NTRK2: variants seen among roughly 807,000 people sequenced by gnomAD.
The protein encoded by NTRK2 is neurotrophic receptor tyrosine kinase 2.
In NTRK2, 13 loss-of-function variants were observed where a neutral mutation model predicts 94.5. The observed-to-expected ratio is 0.14, with a 90% CI of 0.09 to 0.22. The LOEUF (loss-of-function observed/expected upper bound fraction) is 0.22. Among genes scored for constraint, NTRK2 ranks in the 10% least tolerant of loss-of-function variants. The pLI, the probability that NTRK2 is intolerant of heterozygous loss-of-function variation, is 1.00. For synonymous variants in NTRK2, 372 were observed against 407.4 expected (o/e 0.91, Z 1.05); for missense variants, 639 against 1,071.2 (o/e 0.60, Z 5.63).
intron 17 of NTRK2, among the ~76,000 whole-genome samples, chr9:84,986,414 C>T (rs1371392487): frequency 6.6e-6 from 1 of 152,194 alleles, no homozygotes; most frequent in Non-Finnish European, 1.5e-5. Flanking sequence ...CTCACATGCA[C>T]AGTTCACAGT....
intron 12 of NTRK2, among the ~76,000 whole-genome samples, chr9:84,759,904 T>C (rs750950519): frequency 6.6e-6 from 1 of 152,218 alleles, no homozygotes; most frequent in Non-Finnish European, 1.5e-5. Flanking sequence ...AGAAGACAGA[T>C]AATAACTTGG....
At chr9:84,816,219 A>G (rs189722727) in intron 12 of NTRK2, among the ~76,000 whole-genome samples, 2 of 152,218 alleles carry the variant, frequency 1.3e-5, no homozygotes, top group Non-Finnish European at 2.9e-5. Context: ...ATACCATGAG[A>G]CCATAACTGT....
At chr9:84,898,350 C>T (rs889845794) in intron 14 of NTRK2, among the ~76,000 whole-genome samples, 7 of 152,148 alleles carry the variant, frequency 4.6e-5, no homozygotes, top group Admixed American at 2.0e-4. Flanking sequence ...GGCTACAATG[C>T]ACTTAGGTGA....
chr9:84,811,082 A>G (rs1387022263), intron 12 of NTRK2: 1 of 1,070,614 alleles, frequency 9.3e-7, no homozygotes, highest in African/African-American at 1.6e-5. Flanking sequence ...TCTAATCAGC[A>G]CTGAATTCAG....
Position 84,670,713 on chromosome 9 carries a change from G to T in NTRK2, c.-36G>T. The stretch of plus-strand genomic sequence containing the variant: ...TGGGGGAAAGCGGCCGGTGCAGCGC[G>T]GGGACAGGCACTCGGGCTGGCACTG... On this transcript the variant is annotated 5_prime_UTR_variant, in exon 2 of 19. Coordinates refer to ENST00000277120, the MANE Select transcript of NTRK2 (RefSeq NM_006180.6). The T allele has an allele frequency of 6.2e-7, 1 of 1,603,226 alleles. No homozygotes were observed. Among genetic ancestry groups the T allele is most frequent in the Non-Finnish European group, 8.5e-7 (1 of 1,174,834 alleles).
intron 12 of NTRK2, among the ~76,000 whole-genome samples, chr9:84,773,196 C>T (rs1309985717): frequency 6.6e-6 from 1 of 152,192 alleles, no homozygotes; most frequent in Non-Finnish European, 1.5e-5. Context: ...ACTGTAAATG[C>T]TTGCATGGGC....
At chr9:84,912,886 G>T (rs2077283966) in intron 14 of NTRK2, among the ~76,000 whole-genome samples, 1 of 151,984 alleles carries the variant, frequency 6.6e-6, no homozygotes, top group African/African-American at 2.4e-5. Context: ...AAAGTGCTGG[G>T]ATTACAGGCG....
At chr9:85,003,378 G>C (rs4390026) in intron 17 of NTRK2, among the ~76,000 whole-genome samples, 111,177 of 152,136 alleles carry the variant, frequency 0.73, 41,276 homozygotes, top group African/African-American at 0.82. Flanking sequence ...ACAAGACCAT[G>C]AAAGCTTGTT....
At chr9:84,801,456 G>C (rs922984850) in intron 12 of NTRK2, among the ~76,000 whole-genome samples, 1 of 152,176 alleles carries the variant, frequency 6.6e-6, no homozygotes, top group African/African-American at 2.4e-5. Context: ...TTAACTTTAT[G>C]ATCATGCAGT....
intron 12 of NTRK2, among the ~76,000 whole-genome samples, chr9:84,800,544 T>C (rs971527182): frequency 1.3e-5 from 2 of 152,182 alleles, no homozygotes; most frequent in Admixed American, 6.5e-5. Context: ...TATTCCTCAG[T>C]CGAGGAATGC....
intron 14 of NTRK2, among the ~76,000 whole-genome samples, chr9:84,894,152 A>G (rs62562455): frequency 0.87 from 130,428 of 150,438 alleles, 56,750 homozygotes; most frequent in African/African-American, 0.94. Flanking sequence ...TTTGGGTGTT[A>G]CTTGACTATT....
rs2132978621 is a variant in NTRK2 at position 84,955,471 on chromosome 9, G to A, written c.2126G>A (p.Gly709Glu). 1 of 1,614,240 alleles carries A rather than the reference G, an allele frequency of 6.2e-7. No homozygotes were observed. Among genetic ancestry groups the A allele is most frequent in the Non-Finnish European group, 8.5e-7 (1 of 1,180,044 alleles). ...GGGGAGAACTTGCTGGTGAAAATCG[G>A]GGACTTTGGGATGTCCCGGGACGTG... Reference protein sequence around the residue: ...LVGENLLVKIGDFGMSRDVYS... With the variant: ...LVGENLLVKIEDFGMSRDVYS... Residue 709 changes from glycine (G) to glutamate (E), a missense_variant, in exon 17 of 19, where the codon GGG (glycine) becomes GAG (glutamate). This residue lies in a region of NTRK2 where 77 missense variants were observed against 203.6 expected (regional missense o/e 0.38). Transcript: ENST00000277120.
chr9:84,870,333 A>ATG (rs1480414589), intron 14 of NTRK2, among the ~76,000 whole-genome samples: 2,528 of 36,618 alleles, frequency 0.069, 207 homozygotes, highest in African/African-American at 0.17. Flanking sequence ...GTGTGTGTGT[A>ATG]TATATATATA....
At chr9:84,687,690 T>C (rs903194042) in intron 2 of NTRK2, among the ~76,000 whole-genome samples, 2 of 152,220 alleles carry the variant, frequency 1.3e-5, no homozygotes, top group Non-Finnish European at 2.9e-5. Context: ...CTTTTATATA[T>C]GCTTATATTG....
chr9:84,981,722 T>G (rs777634908), intron 17 of NTRK2, among the ~76,000 whole-genome samples: 4 of 152,232 alleles, frequency 2.6e-5, no homozygotes, highest in Admixed American at 6.5e-5. Context: ...CTTTGGCTAT[T>G]ATGTCCACAG....
intron 12 of NTRK2, among the ~76,000 whole-genome samples, chr9:84,770,688 G>T (rs71506670): frequency 6.6e-6 from 1 of 152,184 alleles, no homozygotes; most frequent in Admixed American, 6.5e-5. Context: ...ATGAATTGAG[G>T]TGTAGATTAT....
intron 12 of NTRK2, among the ~76,000 whole-genome samples, chr9:84,755,791 G>A (rs1418204021): frequency 1.3e-5 from 2 of 152,026 alleles, no homozygotes; most frequent in Non-Finnish European, 2.9e-5. Flanking sequence ...GTGCTAGATT[G>A]GGGATTTTAT....
At chr9:84,872,615 C>G (rs1295365861) in intron 14 of NTRK2, 1 of 1,054,604 alleles carries the variant, frequency 9.5e-7, no homozygotes, top group African/African-American at 1.7e-5. Context: ...TTTTTTTTTT[C>G]AACTTAATTC....
intron 9 of NTRK2, among the ~76,000 whole-genome samples, chr9:84,731,044 C>G (rs1274522533): frequency 1.3e-5 from 2 of 152,024 alleles, no homozygotes; most frequent in African/African-American, 4.8e-5. Flanking sequence ...AGCAGGCAGC[C>G]TGGGCTCACT....
Sources: gnomAD v4.1 joint callset for allele counts (sites outside exome capture counted in the v4.1 genomes callset) on GRCh38, gnomAD v4.1.1 for gene constraint, gnomAD v4.1.1 regional missense constraint, MANE v1.5 for transcripts, NCBI Gene and HGNC (gene_info 2026-07-23, HGNC 2026-07-21) for gene names.